Variants in ADCY10 observed in about 807,000 individuals in gnomAD.
ADCY10 encodes adenylate cyclase 10.
A neutral mutation model predicts 183.3 loss-of-function variants in ADCY10; 156 were observed. The ratio of observed to expected loss-of-function variants is 0.85; its 90% confidence interval spans 0.75 to 0.97. The LOEUF is 0.97. Among genes scored for constraint, ADCY10 ranks in the 50% least tolerant of loss-of-function variants. The pLI is 0.00. For missense variants in ADCY10, 1,745 were observed against 1,934.3 expected, an observed-to-expected ratio of 0.90 and a Z score of 1.84; for synonymous variants, 645 against 670.0, an observed-to-expected ratio of 0.96 and a Z score of 0.58.
intron 21 of ADCY10, among the ~76,000 whole-genome samples, chr1:167,843,016 G>A (rs204265): frequency 0.16 from 24,533 of 152,162 alleles, 2,060 homozygotes; most frequent in Middle Eastern, 0.21. Flanking sequence ...TCTAAAGTTT[G>A]TCGAGTCGAT....
chr1:167,811,186 T>C (rs1205277295), intron 31 of ADCY10, among the ~76,000 whole-genome samples: 1 of 152,286 alleles, frequency 6.6e-6, no homozygotes, highest in East Asian at 1.9e-4. Context: ...TTTTGATTAT[T>C]ATGATTATTA....
At chr1:167,848,074 CTTT>C (rs549493233) in intron 19 of ADCY10, among the ~76,000 whole-genome samples, 1 of 146,470 alleles carries the variant, frequency 6.8e-6, no homozygotes. Flanking sequence ...ATTTTCTTTT[CTTT>C]TTTTTTTTGA....
chr1:167,834,851 T>G (rs779974082), intron 23 of ADCY10, among the ~76,000 whole-genome samples: 2 of 152,152 alleles, frequency 1.3e-5, no homozygotes, highest in Non-Finnish European at 2.9e-5. Context: ...TCTTGTCAAG[T>G]GAAACGGGGT....
chr1:167,812,562 T>C (rs1055994564), intron 31 of ADCY10, among the ~76,000 whole-genome samples: 5 of 152,202 alleles, frequency 3.3e-5, no homozygotes, highest in Non-Finnish European at 5.9e-5. Flanking sequence ...AGAGCTGTGA[T>C]ATTATTAGAT....
At chr1:167,828,749 G>A (rs1663494882) in intron 26 of ADCY10, among the ~76,000 whole-genome samples, 1 of 152,174 alleles carries the variant, frequency 6.6e-6, no homozygotes, top group African/African-American at 2.4e-5. Flanking sequence ...ATCACTTGAG[G>A]TCAGGAGTTC....
rs1662084841 is a variant in ADCY10 at position 167,809,781 on chromosome 1, C to T, written c.4730G>A (p.Ser1577Asn). The change falls in exon 33 of 33, where the codon AGT becomes AAT. Residue 1577 changes from serine to asparagine, a missense_variant. Physicochemically the swap from Ser to Asn is conservative, Grantham distance 46. Coordinates refer to ENST00000367851, the MANE Select transcript of ADCY10 (RefSeq NM_018417.6). ...KEDQWLQTIL[S>N]LPSWEKIVAG... ...TACAATTTTTTCCCATGATGGGAGA[C>T]TCAAGATCGTCTGAAGCCATTGGTC... 6.2e-7 allele frequency: 1 copy of T among 1,613,994 alleles called. No homozygotes were observed. The highest frequency in any genetic ancestry group is 1.7e-5 in the Admixed American group (1 of 60,008).
chr1:167,872,346 A>G (rs562592159), intron 13 of ADCY10, among the ~76,000 whole-genome samples: 38 of 148,292 alleles, frequency 2.6e-4, no homozygotes, highest in African/African-American at 9.1e-4. Flanking sequence ...CTCAAAAAAA[A>G]TAAAGTTTCC....
At chr1:167,866,526 G>A (rs1450669120) in intron 14 of ADCY10, among the ~76,000 whole-genome samples, 1 of 79,956 alleles carries the variant, frequency 1.3e-5, no homozygotes, top group African/African-American at 7.3e-5. Context: ...CACACTCTAT[G>A]TGCCAAAAAA....
At chr1:167,811,357 G>A (rs1007947590) in intron 31 of ADCY10, among the ~76,000 whole-genome samples, 1 of 152,148 alleles carries the variant, frequency 6.6e-6, no homozygotes, top group African/African-American at 2.4e-5. Flanking sequence ...GGGAGGCCGA[G>A]GTGGGTGGAT....
rs1343212699 is a variant in ADCY10, at chr1:167,884,349, C to CTT, written c.829-723_829-722dup. 2.6e-5 allele frequency among the ~76,000 whole-genome samples: 4 copies of CTT among 152,060 alleles called. No individual in the cohort carries two copies. The East Asian group carries it at 7.7e-4, about 29-fold the overall frequency. ...AGGAGAGCAGGGGGAGTGCTACACA[C>CTT]TTTTAAACAATCAGATCCCATGAGA... On this transcript the variant is annotated intron_variant, in intron 8 of 32. Coordinates refer to ENST00000367851, the MANE Select transcript of ADCY10 (RefSeq NM_018417.6).
intron 13 of ADCY10, among the ~76,000 whole-genome samples, chr1:167,872,240 A>G (rs1202141415): frequency 6.6e-6 from 1 of 152,100 alleles, no homozygotes. Flanking sequence ...CAGGAGGCTG[A>G]GGCAGGAGAA....
chr1:167,814,109 T>A (rs1475951107), intron 31 of ADCY10, among the ~76,000 whole-genome samples: 2 of 152,100 alleles, frequency 1.3e-5, no homozygotes, highest in African/African-American at 2.4e-5. Context: ...AGCAAAATGA[T>A]ACACACAAGT....
At chr1:167,860,734 G>T (rs936309392) in intron 15 of ADCY10, 137 bp downstream of exon 15, 2 of 728,084 alleles carry the variant, frequency 2.7e-6, no homozygotes, top group East Asian at 2.6e-5. Context: ...CATCCAGAGA[G>T]GATTGGGAGC....
At chr1:167,818,318 G>A in intron 30 of ADCY10, 51 bp from the exon 31 acceptor site, 1 of 1,536,696 alleles carries the variant, frequency 6.5e-7, no homozygotes, top group African/African-American at 1.4e-5. Context: ...ATTAGGAATA[G>A]GCTGGCTTTC....
intron 26 of ADCY10, among the ~76,000 whole-genome samples, chr1:167,828,961 C>CAA (rs553643358): frequency 1.3e-5 from 2 of 151,420 alleles, no homozygotes; most frequent in African/African-American, 4.9e-5. Context: ...GACTCCATCT[C>CAA]AAAAAAAACC....
At chr1:167,882,556 AT>A (rs1667943626) in intron 9 of ADCY10, among the ~76,000 whole-genome samples, 1 of 151,450 alleles carries the variant, frequency 6.6e-6, no homozygotes, top group South Asian at 2.1e-4. Context: ...CCTGCCATGG[AT>A]GAAAATAAAA....
intron 26 of ADCY10, among the ~76,000 whole-genome samples, chr1:167,825,276 T>C (rs1663196708): frequency 6.6e-6 from 1 of 151,982 alleles, no homozygotes; most frequent in African/African-American, 2.4e-5. Flanking sequence ...TGTATAATTT[T>C]TGTAATTTAA....
chr1:167,903,862 G>A, intron 3 of ADCY10, 25 bp downstream of exon 3: 2 of 1,530,510 alleles, frequency 1.3e-6, no homozygotes, highest in Non-Finnish European at 1.8e-6. Flanking sequence ...ATATTCTCAA[G>A]CCAGAAACCT....
chr1:167,873,583 G>C (rs1261143536), intron 13 of ADCY10, among the ~76,000 whole-genome samples: 2 of 151,940 alleles, frequency 1.3e-5, no homozygotes, highest in Non-Finnish European at 2.9e-5. Context: ...ATCTTCTTTG[G>C]GTCTCTTCTC....
Sources: allele counts gnomAD v4.1 joint callset (sites outside exome capture counted in the v4.1 genomes callset), GRCh38; gene constraint gnomAD v4.1.1; transcripts MANE v1.5; gene names NCBI Gene and HGNC (gene_info 2026-07-23, HGNC 2026-07-21).